Variants in CFAP52 observed in about 807,000 individuals in gnomAD.
The protein encoded by CFAP52 is cilia and flagella associated protein 52.
In CFAP52, 57 loss-of-function variants were observed where a neutral mutation model predicts 70.5. That is an observed-to-expected ratio of 0.81 (90% CI 0.65 to 1.01). CFAP52 has a LOEUF of 1.01. Among genes scored for constraint, CFAP52 ranks in the 50% least tolerant of loss-of-function variants. CFAP52 has a pLI of 0.00. For synonymous variants in CFAP52, 267 were observed against 292.5 expected (o/e 0.91, Z 0.89); for missense variants, 785 against 788.5 (o/e 1.00, Z 0.05).
rs552119987 is a variant in CFAP52 at position 9,641,773 on chromosome 17, G to T, written c.1625G>T (p.Gly542Val). 6 of 1,613,892 alleles carry T rather than the reference G, an allele frequency of 3.7e-6. No individual in the cohort carries two copies. Among genetic ancestry groups the T allele is most frequent in the African/African-American group, 2.7e-5 (2 of 74,930 alleles). ...FDGTVIRELEGSLSGSINGMD... is the reference protein window; with the variant it reads ...FDGTVIRELEVSLSGSINGMD... ...GGGACAGTAATCAGAGAATTGGAAG[G>T]TTCCCTGTCTGGGTCGATAAATGGC... The change falls in exon 13 of 14, where the codon GGT becomes GTT. Residue 542 changes from glycine (G) to valine (V), a missense_variant. Physicochemically the swap from Gly to Val is moderately radical, Grantham distance 109. Coordinates refer to ENST00000352665, the MANE Select transcript of CFAP52 (RefSeq NM_145054.5).
At chr17:9,633,631 C>T (rs1910648486) in intron 10 of CFAP52, among the ~76,000 whole-genome samples, 1 of 151,796 alleles carries the variant, frequency 6.6e-6, no homozygotes, top group Non-Finnish European at 1.5e-5. Context: ...GGCTTGCTTG[C>T]TCTTTTCCTC....
chr17:9,633,357 G>A (rs114593009), intron 10 of CFAP52, among the ~76,000 whole-genome samples: 3,165 of 151,380 alleles, frequency 0.021, 121 homozygotes, highest in African/African-American at 0.072. Flanking sequence ...GGCGCACACC[G>A]TCATGCCCAG....
chr17:9,606,779 T>C (rs1322886760), intron 6 of CFAP52, among the ~76,000 whole-genome samples: 1 of 152,182 alleles, frequency 6.6e-6, no homozygotes, highest in African/African-American at 2.4e-5. Context: ...CCATGTTTTG[T>C]CTCCTCATAG....
chr17:9,633,964 A>T (rs937363624), intron 10 of CFAP52, among the ~76,000 whole-genome samples: 1 of 152,102 alleles, frequency 6.6e-6, no homozygotes, highest in Non-Finnish European at 1.5e-5. Context: ...TACAGGCGTG[A>T]GCCACCGCGC....
At position 9,596,161 on chromosome 17, in the gene CFAP52, G is replaced by A. The variant is rs1217040941; in HGVS notation, c.536+1840G>A. On this transcript the variant is annotated intron_variant, in intron 4 of 13. Transcript: ENST00000352665. ...GTTGCCCAGGCTGGAGTGCAATGGC[G>A]CAATCTCAGCTCACTGCAACCTCTG... is the stretch of plus-strand genomic sequence containing the variant. 7.5e-5 allele frequency among the ~76,000 whole-genome samples: 11 copies of A among 147,490 alleles called. No individual in the cohort carries two copies. The East Asian group carries it at 1.6e-3, about 22-fold the overall frequency.
At chr17:9,613,467 TTTTTG>T (rs1220072113) in intron 8 of CFAP52, among the ~76,000 whole-genome samples, 1 of 151,788 alleles carries the variant, frequency 6.6e-6, no homozygotes, top group African/African-American at 2.4e-5. Flanking sequence ...CAGACCTCAG[TTTTTG>T]TTTTGTTTTG....
chr17:9,611,991 G>A (rs1327005681), intron 7 of CFAP52, among the ~76,000 whole-genome samples: 1 of 152,192 alleles, frequency 6.6e-6, no homozygotes, highest in Non-Finnish European at 1.5e-5. Context: ...AAAGGGGTTA[G>A]TTGCTGTGGT....
chr17:9,579,818 T>G (rs965546091), intron 1 of CFAP52, among the ~76,000 whole-genome samples: 1 of 152,210 alleles, frequency 6.6e-6, no homozygotes, highest in Non-Finnish European at 1.5e-5. Context: ...TCCACCCGCC[T>G]CGGCCTCCCA....
At chr17:9,595,176 C>A (rs900295840) in intron 4 of CFAP52, among the ~76,000 whole-genome samples, 6 of 151,956 alleles carry the variant, frequency 3.9e-5, no homozygotes, top group African/African-American at 1.5e-4. Flanking sequence ...TTTAGAAATC[C>A]TTTTTTAATG....
At chr17:9,600,974 G>T (rs1909243163) in intron 6 of CFAP52, among the ~76,000 whole-genome samples, 1 of 151,978 alleles carries the variant, frequency 6.6e-6, no homozygotes, top group Non-Finnish European at 1.5e-5. Flanking sequence ...AAAGTCATTG[G>T]CGGCACTATT....
At chr17:9,637,967 A>AG (rs1910883896) in intron 11 of CFAP52, among the ~76,000 whole-genome samples, 1 of 145,210 alleles carries the variant, frequency 6.9e-6, no homozygotes, top group East Asian at 2.3e-4. Flanking sequence ...TGGGCAGGGT[A>AG]GGGGGTGGGT....
chr17:9,612,268 G>T, intron 7 of CFAP52, 41 bp from the exon 8 acceptor site: 1 of 1,604,614 alleles, frequency 6.2e-7, no homozygotes, highest in South Asian at 1.1e-5. Flanking sequence ...ACTACTTACT[G>T]GTTGAGTGAA....
chr17:9,598,863 G>T (rs1011066369), intron 5 of CFAP52, among the ~76,000 whole-genome samples: 16 of 151,908 alleles, frequency 1.1e-4, no homozygotes, highest in Non-Finnish European at 2.2e-4. Flanking sequence ...TGTTTTGCTG[G>T]AATCTAGGCT....
intron 1 of CFAP52, among the ~76,000 whole-genome samples, chr17:9,582,062 C>T (rs1488674592): frequency 2.6e-5 from 4 of 152,152 alleles, no homozygotes; most frequent in Non-Finnish European, 5.9e-5. Context: ...GTTGACTCTT[C>T]TAGTTTGCAA....
intron 8 of CFAP52, among the ~76,000 whole-genome samples, chr17:9,626,699 CTTGA>C (rs1329118201): frequency 6.6e-6 from 1 of 152,164 alleles, no homozygotes; most frequent in Non-Finnish European, 1.5e-5. Context: ...CTAGTGTTGA[CTTGA>C]TTTACATTAA....
intron 9 of CFAP52, among the ~76,000 whole-genome samples, chr17:9,631,360 A>G (rs1045112763): frequency 6.6e-6 from 1 of 152,056 alleles, no homozygotes; most frequent in Non-Finnish European, 1.5e-5. Context: ...CTTTCCCTAG[A>G]TACCTCCATG....
At chr17:9,613,905 G>GA in intron 8 of CFAP52, among the ~76,000 whole-genome samples, 1 of 145,736 alleles carries the variant, frequency 6.9e-6, no homozygotes, top group East Asian at 2.0e-4. Flanking sequence ...TTCTAACAGT[G>GA]AAAATGGCTG....
chr17:9,614,310 CGCGCCCA>C lies in CFAP52; in HGVS notation c.1025+1834_1025+1840del, dbSNP rs1310832352. ...AGCTGGGACTACAGGCATGTGCCAC[CGCGCCCA>C]GCTAATTTTTATATTTTTAGTAGAG... is the stretch of plus-strand genomic sequence containing the variant. On this transcript the variant is annotated intron_variant, in intron 8 of 13. Coordinates refer to ENST00000352665, the MANE Select transcript of CFAP52 (RefSeq NM_145054.5). Among the ~76,000 whole-genome samples, 43 of 152,124 alleles carry C rather than the reference CGCGCCCA, an allele frequency of 2.8e-4. No homozygotes were observed. In the East Asian group the frequency reaches 6.6e-3, roughly 23 times the overall value.
chr17:9,642,258 T>C (rs1256798641), intron 13 of CFAP52, among the ~76,000 whole-genome samples: 2 of 152,224 alleles, frequency 1.3e-5, no homozygotes, highest in Non-Finnish European at 2.9e-5. Context: ...CAAAGGGGCA[T>C]TTACCACACA....
Sources: allele counts gnomAD v4.1 joint callset (sites outside exome capture counted in the v4.1 genomes callset), GRCh38; gene constraint gnomAD v4.1.1; transcripts MANE v1.5; gene names NCBI Gene and HGNC (gene_info 2026-07-23, HGNC 2026-07-21).